Variants in CCNE2 observed in about 807,000 individuals in gnomAD.
The protein encoded by CCNE2 is cyclin E2, also known as G1/S-specific cyclin-E2.
CCNE2 carries 18 observed loss-of-function variants against 56.8 expected under a neutral mutation model. The observed-to-expected ratio is 0.32, with a 90% CI of 0.22 to 0.47. CCNE2 has a LOEUF of 0.47. Among genes scored for constraint, CCNE2 ranks in the 20% least tolerant of loss-of-function variants. CCNE2 has a pLI of 1.00. For synonymous variants in CCNE2, 139 were observed against 149.2 expected (o/e 0.93, Z 0.50); for missense variants, 371 against 467.1 (o/e 0.79, Z 1.90).
At chr8:94,884,999 T>A in intron 9 of CCNE2, 68 bp downstream of exon 9, 1 of 1,393,168 alleles carries the variant, frequency 7.2e-7, no homozygotes, top group Non-Finnish European at 9.9e-7. Flanking sequence ...ATAGCCTATT[T>A]AAGACTATAT....
chr8:94,892,010 A>C (rs1817265852), intron 5 of CCNE2: 5 of 854,716 alleles, frequency 5.8e-6, no homozygotes, highest in South Asian at 4.0e-5. Flanking sequence ...TTTAGTGAAA[A>C]GGAACAAATT....
chr8:94,887,688 C>T (rs986315216), intron 7 of CCNE2, among the ~76,000 whole-genome samples: 6 of 152,148 alleles, frequency 3.9e-5, no homozygotes, highest in Non-Finnish European at 7.3e-5. Context: ...GGACATTTCA[C>T]TTAGATACTA....
intron 7 of CCNE2, among the ~76,000 whole-genome samples, chr8:94,886,413 G>C (rs1377177942): frequency 1.3e-5 from 2 of 151,682 alleles, no homozygotes; most frequent in Admixed American, 6.6e-5. Flanking sequence ...ATCAAAAGGA[G>C]ACACCCTGCC....
chr8:94,883,103 G>A (rs542508517), intron 9 of CCNE2, among the ~76,000 whole-genome samples: 1 of 152,074 alleles, frequency 6.6e-6, no homozygotes, highest in African/African-American at 2.4e-5. Context: ...GTGAAACCCC[G>A]CCTCTACTAA....
At chr8:94,884,883 T>C (rs1455455015) in intron 9 of CCNE2, 184 bp downstream of exon 9, 6 of 506,024 alleles carry the variant, frequency 1.2e-5, no homozygotes. Context: ...GTAAGGACTT[T>C]GTTTTTCTAG....
At chr8:94,890,699 T>C (rs1020478187) in intron 5 of CCNE2, 149 bp from the exon 6 acceptor site, 11 of 214,380 alleles carry the variant, frequency 5.1e-5, no homozygotes, top group Admixed American at 1.7e-4. Flanking sequence ...TTCAAGCGAT[T>C]CTTGTGCCTC....
In CCNE2 at chr8:94,880,225, T is replaced by C. The variant is rs1465049151; in HGVS notation, c.*1407A>G. On this transcript the variant is annotated 3_prime_UTR_variant, in exon 12 of 12. Transcript: ENST00000308108. ...AGTTTCTCCAAGCAATGGCAAAACT[T>C]TACTTTTAAGCAGTTAAATTTTTTT... is the stretch of plus-strand genomic sequence containing the variant. 6.3e-7 allele frequency: 1 copy of C among 1,591,628 alleles called. No homozygotes were observed.
At chr8:94,889,496 A>C (rs1364342679) in intron 6 of CCNE2, among the ~76,000 whole-genome samples, 3 of 152,244 alleles carry the variant, frequency 2.0e-5, no homozygotes, top group Non-Finnish European at 4.4e-5. Context: ...AAAAAGTCAA[A>C]ACCCAATGCC....
upstream of CCNE2, chr8:94,895,400 C>G: frequency 3.4e-6 from 1 of 293,486 alleles, no homozygotes; most frequent in Non-Finnish European, 5.1e-6. Context: ...CTTCTGCCCG[C>G]GTCCACCGCG....
At chr8:94,895,762 G>T (rs1461319374), upstream of CCNE2, 3 of 152,518 alleles carry the variant, frequency 2.0e-5, no homozygotes, top group Non-Finnish European at 4.4e-5. Flanking sequence ...GGAGGCACGG[G>T]CGGCAGCACA....
intron 9 of CCNE2, chr8:94,884,474 G>A (rs1816958480): frequency 6.5e-6 from 1 of 154,554 alleles, no homozygotes; most frequent in Admixed American, 6.4e-5. Flanking sequence ...AGCCTCCCAA[G>A]TAACATGTTG....
Position 94,881,603 on chromosome 8 carries a change from A to C in CCNE2, c.*29T>G. 1 of 1,609,824 alleles carries C rather than the reference A, an allele frequency of 6.2e-7. No individual in the cohort carries two copies. The highest frequency in any genetic ancestry group is 1.1e-5 in the South Asian group (1 of 90,718). Reference sequence around the variant, plus strand: ...TACCAGTTCTACCCAATCTTGGTGAATTCCAACTTGTTTGCTTAGTTATCT... The same window carrying C: ...TACCAGTTCTACCCAATCTTGGTGACTTCCAACTTGTTTGCTTAGTTATCT... On this transcript the variant is annotated 3_prime_UTR_variant, in exon 12 of 12. Coordinates refer to ENST00000308108, the MANE Select transcript of CCNE2 (RefSeq NM_057749.3).
chr8:94,885,922 T>C (rs987263254), intron 7 of CCNE2, among the ~76,000 whole-genome samples: 7 of 152,036 alleles, frequency 4.6e-5, no homozygotes, highest in African/African-American at 1.7e-4. Flanking sequence ...TTTCACCATG[T>C]AGGCCAGATT....
chr8:94,883,004 G>A (rs529739337), intron 9 of CCNE2, 112 bp from the exon 10 acceptor site: 5 of 639,780 alleles, frequency 7.8e-6, no homozygotes, highest in Admixed American at 5.1e-5. Flanking sequence ...GGCCAGGCGC[G>A]GTGGCTCACG....
At chr8:94,890,644 G>GCGGAC (rs1563683526) in intron 5 of CCNE2, 94 bp from the exon 6 acceptor site, 1 of 303,988 alleles carries the variant, frequency 3.3e-6, no homozygotes, top group African/African-American at 2.3e-5. Flanking sequence ...CCAGGCTAGA[G>GCGGAC]TGCAGCGGCA....
In CCNE2 at chr8:94,885,087, T is replaced by C; in HGVS notation, c.811A>G (p.Thr271Ala). 1.2e-6 allele frequency: 2 copies of C among 1,613,340 alleles called. No individual in the cohort carries two copies. Among genetic ancestry groups the C allele is most frequent in the Non-Finnish European group, 1.7e-6 (2 of 1,179,474 alleles). Residue 271 changes from threonine (T) to alanine (A), a missense_variant, in exon 9 of 12, where the codon ACA (threonine) becomes GCA (alanine). Coordinates refer to ENST00000308108, the MANE Select transcript of CCNE2 (RefSeq NM_057749.3). ...KVLLPQYSQE[T>A]FIQIAQLLDL... is the part of the protein sequence containing the mutation. ...AGTACCTGAGCTATTTGAATGAATG[T>C]TTCCTGAGAATACTGAGGTAGAAGA...
At chr8:94,895,255 G>A, upstream of CCNE2, 2 of 985,614 alleles carry the variant, frequency 2.0e-6, no homozygotes, top group Non-Finnish European at 2.4e-6. Flanking sequence ...CGCCCCGCAC[G>A]CATGCGCCTC....
chr8:94,884,478 CAT>C (rs1187498180), intron 9 of CCNE2: 2 of 154,824 alleles, frequency 1.3e-5, no homozygotes, highest in African/African-American at 4.8e-5. Context: ...TCCCAAGTAA[CAT>C]GTTGGCTAGG....
intron 6 of CCNE2, 139 bp from the exon 7 acceptor site, chr8:94,888,212 C>CT (rs1223978262): frequency 7.5e-6 from 4 of 535,382 alleles, no homozygotes; most frequent in Non-Finnish European, 1.3e-5. Context: ...AAAAAAGAAA[C>CT]TAAGATGTAC....
Sources: allele counts gnomAD v4.1 joint callset (sites outside exome capture counted in the v4.1 genomes callset), GRCh38; gene constraint gnomAD v4.1.1; transcripts MANE v1.5; gene names NCBI Gene and HGNC (gene_info 2026-07-23, HGNC 2026-07-21).